The following CNKSR2 variants were observed in gnomAD, a reference collection of about 807,000 sequenced individuals.
The protein encoded by CNKSR2 is connector enhancer of kinase suppressor of Ras 2, also known as CNK homolog protein 2.
CNKSR2 carries 14 observed loss-of-function variants against 84.4 expected under a neutral mutation model. That is an observed-to-expected ratio of 0.17 (90% CI 0.11 to 0.26). The LOEUF is 0.26. Among genes scored for constraint, CNKSR2 ranks in the 10% least tolerant of loss-of-function variants. CNKSR2 has a pLI of 1.00. For missense variants in CNKSR2, 485 were observed against 771.2 expected (o/e 0.63, Z 4.40); for synonymous variants, 275 against 277.9 (o/e 0.99, Z 0.10).
In CNKSR2 at chrX:21,563,424, C is replaced by T. The variant is rs751193120; in HGVS notation, c.1580C>T (p.Thr527Ile). Reference protein sequence around the residue: ...MDALRQDIMGTPVPETTLYHT... With the variant: ...MDALRQDIMGIPVPETTLYHT... ...GCACTGAGACAAGACATCATGGGCA[C>T]TCCTGTGCCAGAGACCACACTATAC... Residue 527 changes from threonine to isoleucine, a missense_variant, in exon 13 of 22, where the codon ACT (threonine) becomes ATT (isoleucine). Thr to Ile is a moderately conservative substitution (Grantham distance 89). Transcript: ENST00000379510. The T allele has an allele frequency of 1.7e-6, 2 of 1,209,048 alleles. No homozygotes were observed. Among genetic ancestry groups the T allele is most frequent in the Non-Finnish European group, 2.2e-6 (2 of 893,382 alleles).
intron 9 of CNKSR2, among the ~76,000 whole-genome samples, chrX:21,525,614 A>T (rs1005411709): frequency 9.0e-6 from 1 of 110,896 alleles, no homozygotes; most frequent in African/African-American, 3.3e-5. Flanking sequence ...GTCCTAAATT[A>T]TGTAGCCTAC....
chrX:21,621,043 T>C (rs1457719252), intron 20 of CNKSR2, among the ~76,000 whole-genome samples: 1 of 111,337 alleles, frequency 9.0e-6, no homozygotes, highest in African/African-American at 3.3e-5. Context: ...ACATTGTATA[T>C]ATCTCCAAAA....
At position 21,472,043 on chromosome X, in the gene CNKSR2, A is replaced by G. The variant is rs770410897; in HGVS notation, c.561+1236A>G. 2.7e-5 allele frequency among the ~76,000 whole-genome samples: 3 copies of G among 111,913 alleles called. No individual in the cohort carries two copies. In the South Asian group the frequency reaches 1.1e-3, roughly 42 times the overall value. Reference sequence around the variant, plus strand: ...ATTCGGTTTGAACACAGAATCTAATACCAAAGCCCATGCCCTTTCCAGATC... The same window carrying G: ...ATTCGGTTTGAACACAGAATCTAATGCCAAAGCCCATGCCCTTTCCAGATC... On this transcript the variant is annotated intron_variant, in intron 5 of 21. Coordinates refer to ENST00000379510, the MANE Select transcript of CNKSR2 (RefSeq NM_014927.5).
At chrX:21,609,714 TC>T in intron 20 of CNKSR2, 97 bp downstream of exon 20, 1 of 1,046,227 alleles carries the variant, frequency 9.6e-7, no homozygotes. Flanking sequence ...TTCCCTTTTT[TC>T]TTAAAATAAT....
intron 20 of CNKSR2, among the ~76,000 whole-genome samples, chrX:21,610,624 C>A (rs1156836825): frequency 8.9e-6 from 1 of 112,296 alleles, no homozygotes; most frequent in Non-Finnish European, 1.9e-5. Flanking sequence ...GTTTGGTACC[C>A]CTAGGGCAAT....
chrX:21,617,929 C>A (rs2092585702), intron 20 of CNKSR2, among the ~76,000 whole-genome samples: 2 of 86,827 alleles, frequency 2.3e-5, no homozygotes, highest in South Asian at 1.7e-3. Flanking sequence ...ACACACACAC[C>A]CCGACTCATA....
intron 13 of CNKSR2, among the ~76,000 whole-genome samples, chrX:21,568,521 A>C (rs1255092720): frequency 1.3e-4 from 14 of 111,628 alleles, no homozygotes; most frequent in Non-Finnish European, 3.8e-5. Flanking sequence ...TTTTTTTAGG[A>C]TATAACTGCA....
intron 1 of CNKSR2, among the ~76,000 whole-genome samples, chrX:21,409,948 G>T (rs1293560001): frequency 2.7e-5 from 3 of 110,322 alleles, no homozygotes; most frequent in Non-Finnish European, 3.8e-5. Flanking sequence ...TAATTCTTGG[G>T]TATCATTATA....
At chrX:21,546,571 C>A (rs769628571) in intron 11 of CNKSR2, among the ~76,000 whole-genome samples, 1 of 110,428 alleles carries the variant, frequency 9.1e-6, no homozygotes, top group Non-Finnish European at 1.9e-5. Flanking sequence ...TCAGGAAATA[C>A]GGAGAAAACC....
rs188238804 is a variant in CNKSR2, at chrX:21,404,113, T to A, written c.65-22384T>A. Among the ~76,000 whole-genome samples, 279 of 111,707 alleles carry A rather than the reference T, an allele frequency of 2.5e-3. 1 individual carries two copies. Among genetic ancestry groups the A allele is most frequent in the Middle Eastern group, 9.3e-3 (2 of 215 alleles). On this transcript the variant is annotated intron_variant, in intron 1 of 21. Coordinates refer to ENST00000379510, the MANE Select transcript of CNKSR2 (RefSeq NM_014927.5). ...ACCTAATCACTTACCTTTCATAGAA[T>A]TTGCTTTGAAGAAAAAAAATAGCCT...
chrX:21,395,862 A>G (rs1435955212), intron 1 of CNKSR2, among the ~76,000 whole-genome samples: 1 of 111,549 alleles, frequency 9.0e-6, no homozygotes, highest in Non-Finnish European at 1.9e-5. Flanking sequence ...ACGAAACTGT[A>G]TGTGCTTTAC....
intron 9 of CNKSR2, among the ~76,000 whole-genome samples, chrX:21,521,587 A>C (rs1401091230): frequency 9.0e-6 from 1 of 111,001 alleles, no homozygotes; most frequent in Non-Finnish European, 1.9e-5. Context: ...TGGACAATGC[A>C]GGATTAAAGA....
At chrX:21,635,588 G>A (rs1391288028) in intron 20 of CNKSR2, among the ~76,000 whole-genome samples, 2 of 108,319 alleles carry the variant, frequency 1.8e-5, no homozygotes, top group South Asian at 7.6e-4. Flanking sequence ...ATGTGTGTGT[G>A]TATATGTATA....
chrX:21,562,104 C>G (rs1350241897), intron 12 of CNKSR2, among the ~76,000 whole-genome samples: 6 of 109,380 alleles, frequency 5.5e-5, no homozygotes, highest in Non-Finnish European at 1.1e-4. Context: ...GGGTGGGCTA[C>G]TCTTGAAGGA....
intron 5 of CNKSR2, among the ~76,000 whole-genome samples, chrX:21,482,769 G>A (rs759150429): frequency 5.4e-5 from 6 of 111,456 alleles, no homozygotes; most frequent in Non-Finnish European, 7.5e-5. Flanking sequence ...AGTAGTTGGC[G>A]TTTGAATCAT....
At chrX:21,590,808 C>G (rs1486567073) in intron 14 of CNKSR2, 188 bp downstream of exon 14, 2 of 475,741 alleles carry the variant, frequency 4.2e-6, no homozygotes, top group Admixed American at 8.3e-5. Flanking sequence ...AACAAATGAT[C>G]TCAATAAGTT....
chrX:21,383,393 T>A (rs1289095473), intron 1 of CNKSR2, among the ~76,000 whole-genome samples: 1 of 112,771 alleles, frequency 8.9e-6, no homozygotes, highest in South Asian at 3.6e-4. Flanking sequence ...CTGTTTTAGC[T>A]CTCTTTGTTC....
At chrX:21,632,079 A>G (rs925973460) in intron 20 of CNKSR2, among the ~76,000 whole-genome samples, 4 of 112,179 alleles carry the variant, frequency 3.6e-5, no homozygotes, top group African/African-American at 9.7e-5. Context: ...CTTTTATCCC[A>G]TATGTTCTGG....
At chrX:21,417,410 A>C (rs1231527042) in intron 1 of CNKSR2, among the ~76,000 whole-genome samples, 1 of 111,875 alleles carries the variant, frequency 8.9e-6, no homozygotes, top group Non-Finnish European at 1.9e-5. Flanking sequence ...GAAATATTCT[A>C]TACATGTCTG....
Sources: allele counts gnomAD v4.1 joint callset (sites outside exome capture counted in the v4.1 genomes callset), GRCh38; gene constraint gnomAD v4.1.1; transcripts MANE v1.5; gene names NCBI Gene and HGNC (gene_info 2026-07-23, HGNC 2026-07-21).